Variants in UNC13C observed in about 807,000 individuals in gnomAD.
The protein encoded by UNC13C is unc-13 homolog C, also known as protein unc-13 homolog C.
A neutral mutation model predicts 245.4 loss-of-function variants in UNC13C; 174 were observed. The ratio of observed to expected loss-of-function variants is 0.71; its 90% CI spans 0.63 to 0.80. The LOEUF is 0.80. UNC13C is among the 30% of genes least tolerant of loss of function. The probability of loss-of-function intolerance (pLI) is 0.00; values close to 1 mark genes in which losing one functional copy is unlikely to be tolerated. For missense variants in UNC13C, 2,829 were observed against 2,602.9 expected (o/e 1.09, Z -1.89); for synonymous variants, 992 against 895.1 (o/e 1.11, Z -1.93).
intron 13 of UNC13C, among the ~76,000 whole-genome samples, chr15:54,306,771 C>T (rs373213642): frequency 3.9e-5 from 6 of 151,916 alleles, no homozygotes; most frequent in East Asian, 1.9e-4. Context: ...AGCATTAGGT[C>T]GGTGTTTTTT....
chr15:54,233,866 C>T (rs983050717), intron 4 of UNC13C, among the ~76,000 whole-genome samples: 2 of 152,052 alleles, frequency 1.3e-5, no homozygotes, highest in Non-Finnish European at 1.5e-5. Context: ...AATAAGCTGA[C>T]CATGGGCAAG....
At chr15:54,163,769 T>C (rs543931181) in intron 4 of UNC13C, among the ~76,000 whole-genome samples, 6 of 152,338 alleles carry the variant, frequency 3.9e-5, no homozygotes, top group Admixed American at 3.3e-4. Context: ...TTTTTTGTAA[T>C]CATGAGTTGA....
intron 30 of UNC13C, among the ~76,000 whole-genome samples, chr15:54,588,721 T>C (rs539575665): frequency 1.1e-4 from 16 of 152,304 alleles, no homozygotes; most frequent in Admixed American, 3.3e-4. Flanking sequence ...CCATATATCA[T>C]TGAGAACATG....
chr15:54,410,430 T>A (rs1025754130), intron 18 of UNC13C, among the ~76,000 whole-genome samples: 1 of 152,142 alleles, frequency 6.6e-6, no homozygotes, highest in Non-Finnish European at 1.5e-5. Flanking sequence ...GGGGTCATCA[T>A]AAAATCTTTG....
At chr15:54,380,972 C>A (rs2039711697) in intron 17 of UNC13C, among the ~76,000 whole-genome samples, 1 of 151,874 alleles carries the variant, frequency 6.6e-6, no homozygotes, top group African/African-American at 2.4e-5. Context: ...TAGTGTAAAC[C>A]CATTTGTTTA....
intron 30 of UNC13C, among the ~76,000 whole-genome samples, chr15:54,585,824 G>A (rs764616150): frequency 2.0e-5 from 3 of 152,138 alleles, no homozygotes; most frequent in Non-Finnish European, 2.9e-5. Flanking sequence ...AATTCTCAAG[G>A]TAAACAATAA....
chr15:54,592,869 T>G (rs201369263), intron 30 of UNC13C, among the ~76,000 whole-genome samples: 52 of 151,964 alleles, frequency 3.4e-4, no homozygotes, highest in Admixed American at 5.9e-4. Flanking sequence ...TTTTGTTTTT[T>G]TTTTTTTTTT....
chr15:54,536,127 A>G (rs1895972273), intron 26 of UNC13C, among the ~76,000 whole-genome samples: 1 of 152,100 alleles, frequency 6.6e-6, no homozygotes. Context: ...AAATAAACAC[A>G]ATCAGAAATG....
rs778072533 is a variant in UNC13C at position 54,013,436 on chromosome 15, T to C, written c.533T>C (p.Leu178Pro). Residue 178 changes from leucine to proline, a missense_variant, in exon 2 of 33, where the codon CTG becomes CCG. Leu to Pro is a moderately conservative substitution (Grantham distance 98). Transcript: ENST00000260323. ...DGERTLHGLK[L>P]GALRKLRKWK... is the part of the protein sequence containing the mutation. ...GAGCGTACTCTACATGGCTTAAAAC[T>C]GGGAGCTTTACGAAAACTGAGAAAA... 2 of 1,613,848 alleles carry C rather than the reference T, an allele frequency of 1.2e-6. No individual in the cohort carries two copies. Among genetic ancestry groups the C allele is most frequent in the Non-Finnish European group, 1.7e-6 (2 of 1,179,864 alleles).
the UNC13C span, among the ~76,000 whole-genome samples, chr15:53,893,120 A>G: frequency 2.0e-5 from 3 of 152,178 alleles, no homozygotes; most frequent in Admixed American, 1.3e-4. Flanking sequence ...CCTCTGCTGA[A>G]GATCTGCTGG....
At chr15:53,986,834 G>A (rs1267135377) in intron 1 of UNC13C, among the ~76,000 whole-genome samples, 1 of 151,954 alleles carries the variant, frequency 6.6e-6, no homozygotes, top group African/African-American at 2.4e-5. Context: ...ATATGTTAAT[G>A]CAAATAAATT....
intron 1 of UNC13C, among the ~76,000 whole-genome samples, chr15:54,007,220 C>T (rs892697739): frequency 3.9e-5 from 6 of 152,098 alleles, no homozygotes; most frequent in African/African-American, 9.7e-5. Flanking sequence ...CTAACACAGT[C>T]CAGGACACGT....
chr15:54,434,036 G>T (rs997993321), intron 19 of UNC13C, among the ~76,000 whole-genome samples: 5 of 151,916 alleles, frequency 3.3e-5, no homozygotes, highest in African/African-American at 1.2e-4. Flanking sequence ...GGACATGAAG[G>T]ACCTCTTCAA....
At chr15:54,261,739 T>C (rs938915482) in intron 8 of UNC13C, among the ~76,000 whole-genome samples, 8 of 151,976 alleles carry the variant, frequency 5.3e-5, no homozygotes, top group Non-Finnish European at 1.2e-4. Flanking sequence ...AGAGACAGAG[T>C]TTCACCATGT....
chr15:54,254,888 T>G (rs1053842799), intron 8 of UNC13C, among the ~76,000 whole-genome samples: 2 of 152,194 alleles, frequency 1.3e-5, no homozygotes, highest in Non-Finnish European at 2.9e-5. Context: ...TGCTGCCTGC[T>G]GTAGCCTCCA....
At chr15:54,288,984 C>T (rs1399420521) in intron 10 of UNC13C, among the ~76,000 whole-genome samples, 3 of 152,050 alleles carry the variant, frequency 2.0e-5, no homozygotes, top group African/African-American at 4.8e-5. Context: ...CATTTTGACT[C>T]GAAGACCTCT....
intron 17 of UNC13C, among the ~76,000 whole-genome samples, chr15:54,352,886 T>C (rs890468001): frequency 2.6e-4 from 39 of 152,276 alleles, no homozygotes; most frequent in African/African-American, 8.4e-4. Context: ...AAATATCTTA[T>C]TGAAAATGCA....
chr15:54,482,558 C>G (rs1224403079), intron 19 of UNC13C, among the ~76,000 whole-genome samples: 2 of 152,192 alleles, frequency 1.3e-5, no homozygotes, highest in Non-Finnish European at 2.9e-5. Context: ...GAGGGGCCAG[C>G]TACTTCACTT....
chr15:54,386,712 TC>T (rs1384615060), intron 17 of UNC13C, among the ~76,000 whole-genome samples: 1 of 152,202 alleles, frequency 6.6e-6, no homozygotes, highest in African/African-American at 2.4e-5. Flanking sequence ...ATTTGTATGT[TC>T]AGTCTTCATG....
Sources: gnomAD v4.1 joint callset for allele counts (sites outside exome capture counted in the v4.1 genomes callset) on GRCh38, gnomAD v4.1.1 for gene constraint, MANE v1.5 for transcripts, NCBI Gene and HGNC (gene_info 2026-07-23, HGNC 2026-07-21) for gene names.